The following CFAP20DC variants were observed in gnomAD, a reference collection of about 807,000 sequenced individuals.
CFAP20DC encodes the protein protein CFAP20DC.
In CFAP20DC, 84 loss-of-function variants were observed where a neutral mutation model predicts 101.7. The ratio of observed to expected loss-of-function variants is 0.83; its 90% CI spans 0.69 to 0.99. The LOEUF (loss-of-function observed/expected upper bound fraction) is 0.99, where lower values mean the gene tolerates loss of function less well. CFAP20DC is among the 50% of genes least tolerant of loss of function. CFAP20DC has a pLI of 0.00. For missense variants in CFAP20DC, 1,007 were observed against 970.3 expected (o/e 1.04, Z -0.50); for synonymous variants, 359 against 351.2 (o/e 1.02, Z -0.25).
At position 58,892,319 on chromosome 3, in the gene CFAP20DC, C is replaced by T. The variant is rs1051811831; in HGVS notation, c.551-7610G>A. Among the ~76,000 whole-genome samples the T allele has an allele frequency of 3.9e-5, 6 of 152,160 alleles. No homozygotes were observed. The highest frequency in any genetic ancestry group is 1.4e-4 in the African/African-American group (6 of 41,446). On this transcript the variant is annotated intron_variant, in intron 6 of 16. Transcript: ENST00000482387. The surrounding 1 kb of genome is among the most constrained non-coding windows in gnomAD (Gnocchi z 4.0). ...TAAGATTGTCTTGGCTATACAGATT[C>T]TTTTTTGGTTCCACATGAATTTTAA...
chr3:58,993,377 C>T (rs2108642590), intron 4 of CFAP20DC, among the ~76,000 whole-genome samples: 1 of 152,256 alleles, frequency 6.6e-6, no homozygotes, highest in South Asian at 2.1e-4. Context: ...GCTGTTTACC[C>T]CTAATTCTGG....
At chr3:58,857,453 C>T (rs1341301447) in intron 12 of CFAP20DC, among the ~76,000 whole-genome samples, 2 of 152,074 alleles carry the variant, frequency 1.3e-5, no homozygotes, top group Admixed American at 6.6e-5. Context: ...TACATTTTTC[C>T]TAAGGAATAC....
At chr3:58,937,862 T>C in intron 4 of CFAP20DC, 100 bp from the exon 5 acceptor site, 1 of 688,156 alleles carries the variant, frequency 1.5e-6, no homozygotes, top group South Asian at 1.8e-5. Flanking sequence ...TACAGACCCT[T>C]TTCAACAGGA....
At chr3:58,879,029 G>T (rs2081016949) in intron 7 of CFAP20DC, among the ~76,000 whole-genome samples, 1 of 149,470 alleles carries the variant, frequency 6.7e-6, no homozygotes, top group Non-Finnish European at 1.5e-5. Context: ...AAAAACAAAA[G>T]AATGCACCTC....
chr3:58,894,594 A>G lies in CFAP20DC; in HGVS notation c.551-9885T>C, dbSNP rs553926571. On this transcript the variant is annotated intron_variant, in intron 6 of 16. Coordinates refer to ENST00000482387, the MANE Select transcript of CFAP20DC (RefSeq NM_001394063.1). This position sits in a 1 kb window ranked among gnomAD's most constrained non-coding sequence, Gnocchi z 4.1. The stretch of plus-strand genomic sequence containing the variant: ...TATAGTCCCCATCTTAGATGCTTTC[A>G]TGGGCTGGCACTGTCTGTGGGTTTT... 3.1e-4 allele frequency among the ~76,000 whole-genome samples: 47 copies of G among 152,198 alleles called. No individual in the cohort carries two copies. The highest frequency in any genetic ancestry group is 1.1e-3 in the African/African-American group (45 of 41,538).
intron 15 of CFAP20DC, among the ~76,000 whole-genome samples, chr3:58,768,928 C>A (rs2070580747): frequency 6.6e-6 from 1 of 152,186 alleles, no homozygotes; most frequent in African/African-American, 2.4e-5. Flanking sequence ...GCAGGAAACA[C>A]TTGGCATACT....
chr3:58,876,165 G>A (rs546681806), intron 7 of CFAP20DC, among the ~76,000 whole-genome samples: 29 of 151,942 alleles, frequency 1.9e-4, no homozygotes, highest in African/African-American at 4.6e-4. Flanking sequence ...AATAGACCTC[G>A]TTAAACTTGT....
At chr3:58,745,156 A>G (rs528972990) in intron 16 of CFAP20DC, among the ~76,000 whole-genome samples, 2 of 152,278 alleles carry the variant, frequency 1.3e-5, no homozygotes, top group East Asian at 3.9e-4. Context: ...AGTATTCCTC[A>G]AATGGTCATT....
intron 12 of CFAP20DC, among the ~76,000 whole-genome samples, chr3:58,854,215 T>C: frequency 6.6e-6 from 1 of 151,664 alleles, no homozygotes; most frequent in Non-Finnish European, 1.5e-5. Context: ...AGCCAAATCA[T>C]GAGTGAACTC....
chr3:58,765,079 T>C (rs2070142821), intron 15 of CFAP20DC, among the ~76,000 whole-genome samples: 1 of 152,192 alleles, frequency 6.6e-6, no homozygotes, highest in African/African-American at 2.4e-5. Flanking sequence ...TCAACCTGCA[T>C]GCTAGACAGT....
chr3:58,979,782 A>G (rs2092444236), intron 4 of CFAP20DC, among the ~76,000 whole-genome samples: 1 of 152,076 alleles, frequency 6.6e-6, no homozygotes, highest in Non-Finnish European at 1.5e-5. Flanking sequence ...GCCTTCACAA[A>G]GTTGAGATTT....
At chr3:58,898,892 T>C (rs966673613) in intron 6 of CFAP20DC, among the ~76,000 whole-genome samples, 2 of 151,866 alleles carry the variant, frequency 1.3e-5, no homozygotes, top group Non-Finnish European at 2.9e-5. Context: ...GTTTATGTTA[T>C]TGTTGTTTTC....
At chr3:58,986,163 C>A (rs143373451) in intron 4 of CFAP20DC, among the ~76,000 whole-genome samples, 2 of 152,120 alleles carry the variant, frequency 1.3e-5, no homozygotes, top group African/African-American at 4.8e-5. Context: ...TCAATTCATA[C>A]GTAAGTTTGA....
intron 5 of CFAP20DC, among the ~76,000 whole-genome samples, chr3:58,915,484 G>A (rs1303249106): frequency 2.0e-5 from 3 of 152,044 alleles, no homozygotes; most frequent in Non-Finnish European, 2.9e-5. Flanking sequence ...CCATTCAGCT[G>A]GTTCATCAGT....
chr3:58,945,853 T>C (rs1220248367), intron 4 of CFAP20DC, among the ~76,000 whole-genome samples: 1 of 151,518 alleles, frequency 6.6e-6, no homozygotes, highest in African/African-American at 2.4e-5. Flanking sequence ...CACACCACCA[T>C]ACCCAGCTAA....
intron 4 of CFAP20DC, among the ~76,000 whole-genome samples, chr3:58,942,871 C>T (rs2088817330): frequency 6.6e-6 from 1 of 152,192 alleles, no homozygotes; most frequent in Non-Finnish European, 1.5e-5. Flanking sequence ...CAACCCAGGG[C>T]ACTAGAGTTT....
At chr3:59,032,878 C>T (rs1576785499) in intron 4 of CFAP20DC, among the ~76,000 whole-genome samples, 1 of 152,136 alleles carries the variant, frequency 6.6e-6, no homozygotes, top group African/African-American at 2.4e-5. Flanking sequence ...TCAAGTGGGT[C>T]CCTGACTCCC....
intron 6 of CFAP20DC, among the ~76,000 whole-genome samples, chr3:58,907,115 GTA>G (rs1283562927): frequency 2.0e-5 from 3 of 151,410 alleles, no homozygotes; most frequent in Non-Finnish European, 2.9e-5. Context: ...GTGTGTGTGT[GTA>G]TGTATGTGTG....
intron 13 of CFAP20DC, among the ~76,000 whole-genome samples, chr3:58,843,795 T>A (rs1455734626): frequency 6.7e-6 from 1 of 148,918 alleles, no homozygotes; most frequent in East Asian, 2.0e-4. Context: ...GGGAAGCCCA[T>A]CAGACTAACA....
Sources: allele counts gnomAD v4.1 joint callset (sites outside exome capture counted in the v4.1 genomes callset), GRCh38; gene constraint gnomAD v4.1.1; non-coding constraint Gnocchi (gnomAD v3.1); transcripts MANE v1.5; gene names NCBI Gene and HGNC (gene_info 2026-07-23, HGNC 2026-07-21).